SI: variants seen among roughly 807,000 people sequenced by gnomAD.
SI encodes sucrase-isomaltase.
Under a neutral mutation model 253.3 loss-of-function variants are expected in SI, and 235 were observed. The ratio of observed to expected loss-of-function variants is 0.93; its 90% CI spans 0.83 to 1.03. The LOEUF (loss-of-function observed/expected upper bound fraction) is 1.03. Among genes scored for constraint, SI ranks in the 50% least tolerant of loss-of-function variants. SI has a pLI of 0.00. For synonymous variants in SI, 819 were observed against 712.0 expected (o/e 1.15, Z -2.39); for missense variants, 2,442 against 2,211.1 (o/e 1.10, Z -2.09).
At chr3:165,067,770 C>T (rs1187859668) in intron 5 of SI, among the ~76,000 whole-genome samples, 5 of 151,628 alleles carry the variant, frequency 3.3e-5, no homozygotes, top group Non-Finnish European at 7.4e-5. Flanking sequence ...GACAGTATTA[C>T]CAAATATTGA....
At position 165,046,769 on chromosome 3, in the gene SI, A is replaced by T. The variant is rs1713136207; in HGVS notation, c.1887+72T>A. Reference sequence around the variant, plus strand: ...CATGCCTTTTGATCATTTTACTAAAATTAATTAAGATTACATTAAAAATTA... The same window carrying T: ...CATGCCTTTTGATCATTTTACTAAATTTAATTAAGATTACATTAAAAATTA... On this transcript the variant is annotated intron_variant, in intron 16 of 47. Transcript: ENST00000264382. 3 of 1,255,254 alleles carry T rather than the reference A, an allele frequency of 2.4e-6. No individual in the cohort carries two copies. In the South Asian group the frequency reaches 3.9e-5, roughly 16 times the overall value. The allele number at this position is 1,255,254 out of a possible 1,614,324, so 77.8% of individuals were successfully genotyped here.
At chr3:165,088,248 A>G in the SI span, among the ~76,000 whole-genome samples, 1 of 152,152 alleles carries the variant, frequency 6.6e-6, no homozygotes, top group Non-Finnish European at 1.5e-5. Context: ...CTGGAAGCTG[A>G]GGCAGAAGAA....
intron 37 of SI, among the ~76,000 whole-genome samples, chr3:165,004,873 C>T (rs1718427572): frequency 2.6e-5 from 4 of 152,226 alleles, no homozygotes; most frequent in Middle Eastern, 6.8e-3. Flanking sequence ...CAAATCTCAT[C>T]AGGGATTGCA....
chr3:165,062,511 T>C (rs373316071), intron 8 of SI, 28 bp from the exon 9 acceptor site: 18 of 1,113,476 alleles, frequency 1.6e-5, no homozygotes, highest in East Asian at 4.7e-5. Context: ...TAAACTTATA[T>C]GTAAATAGTG....
At chr3:165,021,407 A>C (rs200783135) in intron 26 of SI, 24 bp from the exon 27 acceptor site, 203 of 1,587,914 alleles carry the variant, frequency 1.3e-4, no homozygotes, top group Admixed American at 7.0e-4. Context: ...GTAGTAAAAA[A>C]GTTTATTCTG....
chr3:164,998,425 T>C, intron 38 of SI, 115 bp downstream of exon 38: 1 of 1,060,590 alleles, frequency 9.4e-7, no homozygotes, highest in East Asian at 2.4e-5. Context: ...TGACATAAAG[T>C]ACGATGTGAA....
intron 26 of SI, among the ~76,000 whole-genome samples, chr3:165,022,535 T>A (rs112444665): frequency 0.019 from 2,651 of 137,884 alleles, 77 homozygotes; most frequent in African/African-American, 0.061. Context: ...TTGTGCCATC[T>A]CACACACACA....
At chr3:165,066,562 T>C (rs1294723798) in intron 6 of SI, among the ~76,000 whole-genome samples, 1 of 151,914 alleles carries the variant, frequency 6.6e-6, no homozygotes, top group African/African-American at 2.4e-5. Flanking sequence ...GTCTAATCCT[T>C]TGACCAACAT....
In SI at chr3:164,996,605, A is replaced by G. The variant is rs1198502961; in HGVS notation, c.4622T>C (p.Leu1541Pro). The G allele has an allele frequency of 5.6e-6, 9 of 1,610,240 alleles. No individual in the cohort carries two copies. Among genetic ancestry groups the G allele is most frequent in the Non-Finnish European group, 7.6e-6 (9 of 1,177,140 alleles). ...TCCAAGTTGCATCCAGCGGGTACAGAGATGATATTCTGAGTTGTTGAAAAA... is the reference window on the plus strand; with the variant it reads ...TCCAAGTTGCATCCAGCGGGTACAGGGATGATATTCTGAGTTGTTGAAAAA... ...CGFFNNSEYHLCTRWMQLGAF... is the reference protein window; with the variant it reads ...CGFFNNSEYHPCTRWMQLGAF... Residue 1541 changes from leucine to proline, a missense_variant, in exon 40 of 48, where the codon CTC becomes CCC. Physicochemically the swap from Leu to Pro is moderately conservative, Grantham distance 98. Coordinates refer to ENST00000264382, the MANE Select transcript of SI (RefSeq NM_001041.4).
chr3:165,017,025 T>G (rs1232770967), intron 31 of SI, among the ~76,000 whole-genome samples: 3 of 151,958 alleles, frequency 2.0e-5, no homozygotes, highest in Non-Finnish European at 4.4e-5. Context: ...GATTCCTTAA[T>G]TTTGATAAAA....
rs375184856 is a variant in SI, at chr3:165,042,505, G to A, written c.2004+554C>T. Among the ~76,000 whole-genome samples, 8 of 152,162 alleles carry A rather than the reference G, an allele frequency of 5.3e-5. No homozygotes were observed. The East Asian group carries it at 1.4e-3, about 26-fold the overall frequency. On this transcript the variant is annotated intron_variant, in intron 17 of 47. Coordinates refer to ENST00000264382, the MANE Select transcript of SI (RefSeq NM_001041.4). ...TTCCCACGGCTGGTAGACTAGCTTT[G>A]TATTGTCTGGCACTTCTGCTCCTAC...
rs1013304947 is a variant in SI at position 165,040,076 on chromosome 3, C to T, written c.2160-105G>A. The T allele has an allele frequency of 6.9e-5, 60 of 865,392 alleles. No individual in the cohort carries two copies. The South Asian group carries it at 7.8e-4, about 11-fold the overall frequency. 53.6% of individuals were successfully genotyped at this position (865,392 alleles called of 1,614,324 possible). A position where few individuals can be genotyped will look rare whatever the true frequency, so the allele number is the denominator to read the frequency against. ...GTTTTTTCCTGGGAATTGTTGTTAT[C>T]TTGAATTGTGCTTGTTTCAGATGAC... On this transcript the variant is annotated intron_variant, in intron 18 of 47. Coordinates refer to ENST00000264382, the MANE Select transcript of SI (RefSeq NM_001041.4).
At chr3:165,088,096 A>G in the SI span, among the ~76,000 whole-genome samples, 6 of 152,216 alleles carry the variant, frequency 3.9e-5, no homozygotes, top group Admixed American at 3.9e-4. Context: ...CTGTAATCCC[A>G]GCACTTTGGG....
Position 165,046,956 on chromosome 3 carries a change from A to G in SI, c.1772T>C (p.Phe591Ser), listed in dbSNP as rs1264875658. The G allele has an allele frequency of 6.2e-7, 1 of 1,612,272 alleles. No individual in the cohort carries two copies. The highest frequency in any genetic ancestry group is 1.7e-5 in the Admixed American group (1 of 59,884). ...CGCAGCATGTCTTCCAGATCCAGCA[A>G]ATGTTGAGCGGGTAAGAATGAAGCT... ...KRSFILTRST[F>S]AGSGRHAAHW... Residue 591 changes from phenylalanine to serine, a missense_variant, in exon 16 of 48, where the codon TTT becomes TCT. Coordinates refer to ENST00000264382, the MANE Select transcript of SI (RefSeq NM_001041.4).
chr3:164,981,532 G>C (rs1250853958), intron 47 of SI, among the ~76,000 whole-genome samples: 1 of 152,048 alleles, frequency 6.6e-6, no homozygotes, highest in African/African-American at 2.4e-5. Context: ...GATTAAGGGT[G>C]GGTGCACACA....
chr3:165,017,974 T>C lies in SI; in HGVS notation c.3516A>G (p.Ala1172=), dbSNP rs2108176014. ...TTCAACAAATGATTGTTTTACCCAT[T>C]GCATTGCTGTTGAGTAAGAAAACAC... ...AHGVFLLNSN[A]MDVTFQPTPA... The change falls in exon 29 of 48, where the codon GCA becomes GCG. Residue 1172 remains alanine (A), a synonymous_variant. Coordinates refer to ENST00000264382, the MANE Select transcript of SI (RefSeq NM_001041.4). 2 of 1,605,514 alleles carry C rather than the reference T, an allele frequency of 1.2e-6. No individual in the cohort carries two copies. Among genetic ancestry groups the C allele is most frequent in the Non-Finnish European group, 1.7e-6 (2 of 1,172,488 alleles).
chr3:165,074,517 CTT>C lies in SI; in HGVS notation c.255+12_255+13del, dbSNP rs1340295257. 6.4e-7 allele frequency: 1 copy of C among 1,574,402 alleles called. No homozygotes were observed. Among genetic ancestry groups the C allele is most frequent in the East Asian group, 2.3e-5 (1 of 43,946 alleles). On this transcript the variant is annotated intron_variant, in intron 3 of 47. Transcript: ENST00000264382. Reference sequence around the variant, plus strand: ...ATATATTCATTAAAAATATTAAAGACTTTTGCTGCAGACCTCTGTTGGGAATT... The same window carrying C: ...ATATATTCATTAAAAATATTAAAGACTTGCTGCAGACCTCTGTTGGGAATT...
intron 37 of SI, 119 bp downstream of exon 37, chr3:165,006,697 G>C: frequency 1.2e-6 from 1 of 836,322 alleles, no homozygotes; most frequent in Non-Finnish European, 2.0e-6. Context: ...AAGTTACAGA[G>C]AACAATTGGG....
intron 24 of SI, among the ~76,000 whole-genome samples, chr3:165,031,578 T>C (rs766753667): frequency 4.0e-5 from 6 of 150,044 alleles, no homozygotes; most frequent in Non-Finnish European, 9.0e-5. Context: ...AAATAAAAAA[T>C]AATTGACCAG....
Sources: gnomAD v4.1 joint callset for allele counts (sites outside exome capture counted in the v4.1 genomes callset) on GRCh38, gnomAD v4.1.1 for gene constraint, MANE v1.5 for transcripts, NCBI Gene and HGNC (gene_info 2026-07-23, HGNC 2026-07-21) for gene names.